Variants in PDE10A observed in about 807,000 individuals in gnomAD.
PDE10A encodes the protein cAMP and cAMP-inhibited cGMP 3',5'-cyclic phosphodiesterase 10A.
PDE10A carries 39 observed loss-of-function variants against 97.7 expected under a neutral mutation model. The ratio of observed to expected loss-of-function variants is 0.40; its 90% CI spans 0.31 to 0.52. The LOEUF (loss-of-function observed/expected upper bound fraction) is 0.52, where lower values mean the gene tolerates loss of function less well. Among genes scored for constraint, PDE10A ranks in the 20% least tolerant of loss-of-function variants. PDE10A has a pLI of 0.56. For synonymous variants in PDE10A, 371 were observed against 376.8 expected (o/e 0.98, Z 0.18); for missense variants, 731 against 1,047.8 (o/e 0.70, Z 4.17).
intron 1 of PDE10A, among the ~76,000 whole-genome samples, chr6:165,709,614 A>C (rs1384509433): frequency 1.4e-4 from 1 of 7,194 alleles, no homozygotes. Context: ...TGCTCCCTCC[A>C]CTCTACACCC....
intron 1 of PDE10A, among the ~76,000 whole-genome samples, chr6:165,755,318 A>G (rs1793092965): frequency 6.6e-6 from 1 of 152,182 alleles, no homozygotes; most frequent in Non-Finnish European, 1.5e-5. Context: ...ACCATATTGT[A>G]AAATAGCACT....
intron 18 of PDE10A, among the ~76,000 whole-genome samples, chr6:165,354,042 A>T (rs1303605589): frequency 3.3e-5 from 5 of 152,188 alleles, no homozygotes; most frequent in Admixed American, 1.3e-4. Context: ...TTAAGAAATA[A>T]AATTGGTTAA....
intron 2 of PDE10A, among the ~76,000 whole-genome samples, chr6:165,533,088 A>T (rs1782880010): frequency 6.6e-6 from 1 of 152,210 alleles, no homozygotes; most frequent in African/African-American, 2.4e-5. Context: ...AATTTATTTT[A>T]AAATTCATAC....
At chr6:165,590,162 T>G (rs1345466694) in intron 1 of PDE10A, among the ~76,000 whole-genome samples, 1 of 152,202 alleles carries the variant, frequency 6.6e-6, no homozygotes, top group African/African-American at 2.4e-5. Flanking sequence ...GGTTCCGGGA[T>G]AGAATCTAGA....
At chr6:165,642,825 G>C (rs573125106) in intron 1 of PDE10A, among the ~76,000 whole-genome samples, 5 of 152,194 alleles carry the variant, frequency 3.3e-5, no homozygotes, top group African/African-American at 1.2e-4. Flanking sequence ...GCCAAAGAAC[G>C]TGCGTCCCAT....
At chr6:165,817,938 A>G (rs1186317654) in intron 1 of PDE10A, among the ~76,000 whole-genome samples, 1 of 152,188 alleles carries the variant, frequency 6.6e-6, no homozygotes, top group African/African-American at 2.4e-5. Flanking sequence ...CCTGCCTCAC[A>G]TCCTAGAAGT....
At chr6:165,715,117 C>T (rs569644221) in intron 1 of PDE10A, among the ~76,000 whole-genome samples, 1 of 152,244 alleles carries the variant, frequency 6.6e-6, no homozygotes, top group African/African-American at 2.4e-5. Flanking sequence ...AGGGACGCTG[C>T]AGTGCAGCAG....
chr6:165,720,236 C>G (rs985905972), intron 1 of PDE10A, among the ~76,000 whole-genome samples: 1 of 152,006 alleles, frequency 6.6e-6, no homozygotes, highest in African/African-American at 2.4e-5. Context: ...CATTTCAGTA[C>G]TATTTATTTT....
At chr6:165,765,089 G>A (rs536448200) in intron 1 of PDE10A, among the ~76,000 whole-genome samples, 2 of 151,576 alleles carry the variant, frequency 1.3e-5, no homozygotes, top group South Asian at 2.1e-4. Flanking sequence ...CCCTGAGCTA[G>A]ACACAGGGTG....
At chr6:165,751,140 G>A (rs1792990236) in intron 1 of PDE10A, among the ~76,000 whole-genome samples, 2 of 152,166 alleles carry the variant, frequency 1.3e-5, no homozygotes, top group Admixed American at 1.3e-4. Context: ...GACGCTCACT[G>A]ACGTCACATT....
In PDE10A at chr6:165,452,376, C is replaced by A. The variant is rs150865906; in HGVS notation, c.1024-2014G>T. Among the ~76,000 whole-genome samples the A allele has an allele frequency of 3.0e-4, 45 of 152,332 alleles. 1 individual carries two copies. The highest frequency in any genetic ancestry group is 1.1e-3 in the African/African-American group (44 of 41,560). On this transcript the variant is annotated intron_variant, in intron 3 of 21. Transcript: ENST00000539869. ...ACTGCTATGGTTTGAACATTTCCTC[C>A]AAAGTTCATGTTTTGAAAACTTAAC...
chr6:165,604,761 G>A (rs533466764), intron 1 of PDE10A, among the ~76,000 whole-genome samples: 8 of 152,278 alleles, frequency 5.3e-5, no homozygotes, highest in South Asian at 4.1e-4. Context: ...AGCTGCTAAA[G>A]GTACCATTCT....
chr6:165,562,646 C>T (rs1311333121), intron 1 of PDE10A, among the ~76,000 whole-genome samples: 2 of 152,144 alleles, frequency 1.3e-5, no homozygotes, highest in Admixed American at 6.6e-5. Flanking sequence ...CTGCACTGCT[C>T]CACTACTGCC....
chr6:165,919,494 CT>C (rs1782694865), intron 1 of PDE10A, among the ~76,000 whole-genome samples: 1 of 152,240 alleles, frequency 6.6e-6, no homozygotes, highest in African/African-American at 2.4e-5. Flanking sequence ...AGTCAGCAAA[CT>C]TTTTCTGTTA....
chr6:165,493,461 A>C (rs2128289301), intron 2 of PDE10A, among the ~76,000 whole-genome samples: 1 of 152,336 alleles, frequency 6.6e-6, no homozygotes, highest in South Asian at 2.1e-4. Flanking sequence ...AGTCCTCAAA[A>C]CAGCATGGTA....
chr6:165,441,834 A>G (rs1790492585), intron 5 of PDE10A, among the ~76,000 whole-genome samples: 1 of 152,272 alleles, frequency 6.6e-6, no homozygotes, highest in East Asian at 1.9e-4. Context: ...CAGAAAGGTA[A>G]TATTTCAACA....
chr6:165,414,127 G>C (rs187218290), intron 12 of PDE10A, among the ~76,000 whole-genome samples: 1 of 152,312 alleles, frequency 6.6e-6, no homozygotes, highest in Admixed American at 6.5e-5. Context: ...ACTTAGAGCA[G>C]TGGTCAGCAA....
chr6:165,577,791 C>T (rs904094576), intron 1 of PDE10A, among the ~76,000 whole-genome samples: 1 of 152,204 alleles, frequency 6.6e-6, no homozygotes, highest in African/African-American at 2.4e-5. Flanking sequence ...TCATGCCCAC[C>T]CTAGAAACGC....
At chr6:165,403,955 A>G (rs1187519359) in intron 13 of PDE10A, among the ~76,000 whole-genome samples, 1 of 152,242 alleles carries the variant, frequency 6.6e-6, no homozygotes, top group Admixed American at 6.5e-5. Context: ...AATGTTGGTT[A>G]AGGGGTACAA....
Sources: allele counts gnomAD v4.1 joint callset (sites outside exome capture counted in the v4.1 genomes callset), GRCh38; gene constraint gnomAD v4.1.1; transcripts MANE v1.5; gene names NCBI Gene and HGNC (gene_info 2026-07-23, HGNC 2026-07-21).